The following FBN1 variants were observed in gnomAD, a reference collection of about 807,000 sequenced individuals.
FBN1 encodes the protein fibrillin 1.
In FBN1, 29 loss-of-function variants were observed where a neutral mutation model predicts 365.1. The observed-to-expected ratio is 0.08, with a 90% confidence interval of 0.06 to 0.11. FBN1 has a LOEUF of 0.11. FBN1 is among the 10% of genes least tolerant of loss of function. The pLI is 1.00. For synonymous variants in FBN1, 1,210 were observed against 1,270.5 expected, an observed-to-expected ratio of 0.95 and a Z score of 1.01; for missense variants, 2,476 against 3,703.2, an observed-to-expected ratio of 0.67 and a Z score of 8.60.
At chr15:48,428,231 T>G in intron 57 of FBN1, 115 bp downstream of exon 57, 1 of 1,373,832 alleles carries the variant, frequency 7.3e-7, no homozygotes, top group Non-Finnish European at 1.0e-6. Context: ...ATATGAACAT[T>G]TTTTATCCTT....
chr15:48,421,540 G>A lies in FBN1; in HGVS notation c.7699+18C>T, dbSNP rs753819758. 32 of 1,610,314 alleles carry A rather than the reference G, an allele frequency of 2.0e-5. No homozygotes were observed. The South Asian group carries it at 3.1e-4, about 16-fold the overall frequency. On this transcript the variant is annotated intron_variant, in intron 62 of 65. Coordinates refer to ENST00000316623, the MANE Select transcript of FBN1 (RefSeq NM_000138.5). ...ACAAGGATTCACCAGCTGGATCGCAGCTGAAGTCTCCACCCACCTTCACAG... is the reference window on the plus strand; with the variant it reads ...ACAAGGATTCACCAGCTGGATCGCAACTGAAGTCTCCACCCACCTTCACAG...
intron 20 of FBN1, 79 bp downstream of exon 20, chr15:48,496,021 C>G: frequency 1.5e-5 from 24 of 1,560,898 alleles, no homozygotes; most frequent in Middle Eastern, 1.7e-4. Context: ...ACAGGAGACT[C>G]TAATTCAGTC....
chr15:48,538,672 C>T (rs2044033038), intron 6 of FBN1, among the ~76,000 whole-genome samples: 1 of 151,988 alleles, frequency 6.6e-6, no homozygotes, highest in African/African-American at 2.4e-5. Context: ...CCAGGTTGTC[C>T]CCTTGTGAGA....
intron 10 of FBN1, among the ~76,000 whole-genome samples, chr15:48,519,166 C>G (rs868508767): frequency 1.3e-5 from 2 of 152,196 alleles, no homozygotes; most frequent in African/African-American, 4.8e-5. Context: ...TCATGTGCTT[C>G]TAAACAGTGA....
intron 2 of FBN1, 143 bp downstream of exon 2, chr15:48,644,462 TG>T: frequency 9.1e-7 from 1 of 1,093,442 alleles, no homozygotes; most frequent in Non-Finnish European, 1.4e-6. Flanking sequence ...ACGAACGGGG[TG>T]GGGACTAAAC....
In FBN1 at chr15:48,474,304, G is replaced by A. The variant is rs1332403498; in HGVS notation, c.4161C>T (p.Tyr1387=). The change falls in exon 34 of 66, where the codon TAC becomes TAT. Residue 1387 remains tyrosine, a synonymous_variant. Coordinates refer to ENST00000316623, the MANE Select transcript of FBN1 (RefSeq NM_000138.5). ...TGTATCCTTCCTTGCACAGACAGCG[G>A]TAAGATCCCATGGTATTCTTGCAGT... The part of the protein sequence containing the change: ...HADCKNTMGS[Y]RCLCKEGYTG... The A allele has an allele frequency of 9.9e-6, 16 of 1,613,952 alleles. No homozygotes were observed. The highest frequency in any genetic ancestry group is 1.4e-5 in the Non-Finnish European group (16 of 1,179,996).
chr15:48,454,742 G>A (rs547093959), intron 44 of FBN1, among the ~76,000 whole-genome samples: 7 of 152,302 alleles, frequency 4.6e-5, no homozygotes, highest in Admixed American at 1.3e-4. Flanking sequence ...CCTCTTGGGC[G>A]TGATTCTGTG....
chr15:48,557,481 T>A (rs1861431214), intron 6 of FBN1, among the ~76,000 whole-genome samples: 1 of 152,116 alleles, frequency 6.6e-6, no homozygotes, highest in African/African-American at 2.4e-5. Flanking sequence ...TGGAACACGC[T>A]GAGGATGGCG....
At chr15:48,509,084 T>G (rs977962299) in intron 14 of FBN1, among the ~76,000 whole-genome samples, 1 of 152,216 alleles carries the variant, frequency 6.6e-6, no homozygotes, top group South Asian at 2.1e-4. Flanking sequence ...GCTCTGAATA[T>G]GAACATAAGT....
intron 8 of FBN1, among the ~76,000 whole-genome samples, chr15:48,530,398 AT>A (rs1392829616): frequency 1.3e-5 from 2 of 152,228 alleles, no homozygotes; most frequent in African/African-American, 4.8e-5. Context: ...GAACCCCCAC[AT>A]AGCATCTTGT....
intron 1 of FBN1, among the ~76,000 whole-genome samples, chr15:48,645,233 T>C (rs1394019893): frequency 6.6e-6 from 1 of 152,006 alleles, no homozygotes; most frequent in African/African-American, 2.4e-5. Flanking sequence ...CTCTCTGGGT[T>C]TATTTTTTTT....
chr15:48,638,617 C>CT lies in FBN1; in HGVS notation c.164+5988dup, dbSNP rs34665953. Among the ~76,000 whole-genome samples, 348 of 138,874 alleles carry CT rather than the reference C, an allele frequency of 2.5e-3. 1 individual carries two copies. Among genetic ancestry groups the CT allele is most frequent in the African/African-American group, 5.7e-3 (214 of 37,572 alleles). The allele number at this position is 138,874 out of a possible 152,430, so 91.1% of individuals were successfully genotyped here. ...TACAATCATAAGTGATACATCAGAG[C>CT]TTTTTTTTTTTTTTTTTACCATTAT... On this transcript the variant is annotated intron_variant, in intron 2 of 65. Transcript: ENST00000316623.
chr15:48,600,631 G>T (rs545279296), intron 4 of FBN1, among the ~76,000 whole-genome samples: 14 of 152,286 alleles, frequency 9.2e-5, no homozygotes, highest in Admixed American at 2.6e-4. Context: ...TTGAACCTGG[G>T]GGGGCAGAGG....
At position 48,425,834 on chromosome 15, in the gene FBN1, A is replaced by G. The variant is rs1060501061; in HGVS notation, c.7235T>C (p.Val2412Ala). 1 of 1,612,192 alleles carries G rather than the reference A, an allele frequency of 6.2e-7. No individual in the cohort carries two copies. Residue 2412 changes from valine to alanine, a missense_variant, in exon 59 of 66, where the codon GTT (valine) becomes GCT (alanine). Physicochemically the swap from Val to Ala is moderately conservative, Grantham distance 64. Coordinates refer to ENST00000316623, the MANE Select transcript of FBN1 (RefSeq NM_000138.5). ...ATTGACACATTCCCCATTTCGGCAA[A>G]CATCGTGAATAACCTTGCATTCATC... ...DIDECKVIHD[V>A]CRNGECVNDR...
At chr15:48,500,997 C>T (rs983334114) in intron 17 of FBN1, among the ~76,000 whole-genome samples, 1 of 152,208 alleles carries the variant, frequency 6.6e-6, no homozygotes, top group Admixed American at 6.5e-5. Context: ...ATCCTACATT[C>T]GGATGGTTCA....
chr15:48,499,375 T>C (rs904750042), intron 17 of FBN1, among the ~76,000 whole-genome samples: 1 of 152,256 alleles, frequency 6.6e-6, no homozygotes, highest in Non-Finnish European at 1.5e-5. Flanking sequence ...ATGTGGTTTC[T>C]TAACTGTTAA....
chr15:48,432,549 T>G (rs1319492764), intron 55 of FBN1, among the ~76,000 whole-genome samples: 2 of 152,198 alleles, frequency 1.3e-5, no homozygotes, highest in Non-Finnish European at 2.9e-5. Flanking sequence ...TGTCTCAATC[T>G]CTTCATATTG....
chr15:48,420,463 C>A (rs1054064380), intron 63 of FBN1, among the ~76,000 whole-genome samples: 1 of 151,818 alleles, frequency 6.6e-6, no homozygotes, highest in African/African-American at 2.4e-5. Context: ...ATTCTGGGGG[C>A]ATTTCATTTC....
chr15:48,469,823 G>C (rs1386260908), intron 36 of FBN1, among the ~76,000 whole-genome samples: 2 of 152,080 alleles, frequency 1.3e-5, no homozygotes, highest in Non-Finnish European at 2.9e-5. Context: ...TCTCGTAATA[G>C]CTTTAAGGAA....
Sources: allele counts gnomAD v4.1 joint callset (sites outside exome capture counted in the v4.1 genomes callset), GRCh38; gene constraint gnomAD v4.1.1; transcripts MANE v1.5; gene names NCBI Gene and HGNC (gene_info 2026-07-23, HGNC 2026-07-21).